WDPCP: variants seen among roughly 807,000 people sequenced by gnomAD.
The protein encoded by WDPCP is WD repeat-containing and planar cell polarity effector protein fritz homolog.
Under a neutral mutation model 93.1 loss-of-function variants are expected in WDPCP, and 71 were observed. That is an observed-to-expected ratio of 0.76 (90% CI 0.63 to 0.93). WDPCP has a LOEUF of 0.93. Ranked by LOEUF, WDPCP falls within the 40% of genes least tolerant of loss-of-function variation. WDPCP has a pLI of 0.00. For missense variants in WDPCP, 844 were observed against 887.4 expected (o/e 0.95, Z 0.62); for synonymous variants, 315 against 315.0 (o/e 1.00, Z 0.00).
chr2:63,480,902 A>G (rs1159416879), intron 6 of WDPCP, among the ~76,000 whole-genome samples: 40 of 152,186 alleles, frequency 2.6e-4, no homozygotes, highest in Admixed American at 2.6e-3. Context: ...TAATTAAACT[A>G]AAGAGCTTTT....
At chr2:63,408,105 C>T (rs1044670587) in intron 9 of WDPCP, among the ~76,000 whole-genome samples, 1 of 152,164 alleles carries the variant, frequency 6.6e-6, no homozygotes, top group Non-Finnish European at 1.5e-5. Context: ...ATCTAGAGTG[C>T]ACCTCCAGAC....
chr2:63,225,499 C>T (rs574162207), intron 14 of WDPCP, among the ~76,000 whole-genome samples: 183 of 151,778 alleles, frequency 1.2e-3, no homozygotes, highest in African/African-American at 4.1e-3. Flanking sequence ...AAAACACATG[C>T]CCTAAGACCC....
upstream of WDPCP, among the ~76,000 whole-genome samples, chr2:63,592,488 C>G (rs1279394871): frequency 6.6e-6 from 1 of 152,104 alleles, no homozygotes; most frequent in African/African-American, 2.4e-5. Flanking sequence ...GTGGCTGGAA[C>G]TACAGCATCT....
chr2:63,266,095 A>G (rs1011561859), intron 13 of WDPCP, among the ~76,000 whole-genome samples: 3 of 152,214 alleles, frequency 2.0e-5, no homozygotes, highest in African/African-American at 4.8e-5. Context: ...AAGATCAGAA[A>G]TAAGACAAGG....
intron 8 of WDPCP, 112 bp downstream of exon 8, chr2:63,437,309 G>T: frequency 1.1e-6 from 1 of 952,140 alleles, no homozygotes; most frequent in Non-Finnish European, 1.5e-6. Flanking sequence ...AATATTTCCA[G>T]TTTTTCTGAA....
chr2:63,132,038 G>A lies in WDPCP; in HGVS notation c.2191-9982C>T, dbSNP rs549625021. 2.0e-5 allele frequency among the ~76,000 whole-genome samples: 3 copies of A among 152,038 alleles called. No individual in the cohort carries two copies. In the East Asian group the frequency reaches 5.8e-4, roughly 29 times the overall value. ...TTTAGTAGAGATGGGGTTTCAACAT[G>A]TTGGCCAGGCTGGTCTTGAACTCCT... On this transcript the variant is annotated intron_variant, in intron 17 of 17. Transcript: ENST00000272321.
intron 1 of WDPCP, among the ~76,000 whole-genome samples, chr2:63,529,331 G>A (rs528732306): frequency 2.6e-5 from 4 of 152,278 alleles, no homozygotes; most frequent in South Asian, 2.1e-4. Context: ...TGCCCATTCA[G>A]TATGATATTG....
chr2:63,644,656 G>T (rs930427227), intron 3 of WDPCP, among the ~76,000 whole-genome samples: 2 of 152,122 alleles, frequency 1.3e-5, no homozygotes, highest in East Asian at 3.9e-4. Flanking sequence ...TCTTTACTGT[G>T]ACACTTTTTA....
chr2:63,696,895 A>C (rs1331289291), intron 2 of WDPCP, among the ~76,000 whole-genome samples: 1 of 152,222 alleles, frequency 6.6e-6, no homozygotes, highest in Non-Finnish European at 1.5e-5. Flanking sequence ...CAAAACAAAG[A>C]AGGTAAAACA....
chr2:63,297,815 T>G (rs1266059832), intron 13 of WDPCP, among the ~76,000 whole-genome samples: 1 of 152,200 alleles, frequency 6.6e-6, no homozygotes, highest in Non-Finnish European at 1.5e-5. Context: ...CAGTTTTAAC[T>G]AATGCACAGG....
intron 14 of WDPCP, among the ~76,000 whole-genome samples, chr2:63,183,018 A>G (rs1468951659): frequency 6.7e-6 from 1 of 150,032 alleles, no homozygotes; most frequent in Non-Finnish European, 1.5e-5. Context: ...TGTTTATTGG[A>G]TCTTCTGTCT....
At chr2:63,480,627 C>T (rs966345521) in intron 6 of WDPCP, among the ~76,000 whole-genome samples, 2 of 151,934 alleles carry the variant, frequency 1.3e-5, no homozygotes, top group Non-Finnish European at 2.9e-5. Flanking sequence ...CAAAAACATA[C>T]AGTGGGGAAA....
intron 1 of WDPCP, among the ~76,000 whole-genome samples, chr2:63,507,625 A>T (rs138591499): frequency 6.6e-6 from 1 of 152,176 alleles, no homozygotes; most frequent in Non-Finnish European, 1.5e-5. Context: ...GTGGGTACTA[A>T]CAAACTCCAC....
chr2:63,385,304 A>G (rs1191983598), intron 10 of WDPCP, among the ~76,000 whole-genome samples: 1 of 152,110 alleles, frequency 6.6e-6, no homozygotes, highest in South Asian at 2.1e-4. Flanking sequence ...AAGTGAAGAG[A>G]ATAAAATAAA....
chr2:63,331,339 A>G (rs892096092), intron 12 of WDPCP, among the ~76,000 whole-genome samples: 1 of 152,162 alleles, frequency 6.6e-6, no homozygotes, highest in Non-Finnish European at 1.5e-5. Flanking sequence ...TTTCAAAATG[A>G]TTTAATGTTT....
intron 10 of WDPCP, among the ~76,000 whole-genome samples, chr2:63,395,735 CT>C (rs909904652): frequency 6.6e-6 from 1 of 151,136 alleles, no homozygotes. Flanking sequence ...TTGAACTGTA[CT>C]TTTTTTTTGA....
chr2:63,162,093 G>C (rs953024037), intron 15 of WDPCP, among the ~76,000 whole-genome samples: 1 of 152,078 alleles, frequency 6.6e-6, no homozygotes, highest in African/African-American at 2.4e-5. Flanking sequence ...TTCTTAGATG[G>C]AACAAAGTCA....
intron 9 of WDPCP, among the ~76,000 whole-genome samples, chr2:63,431,737 C>A (rs1696777531): frequency 6.6e-6 from 1 of 151,902 alleles, no homozygotes; most frequent in South Asian, 2.1e-4. Flanking sequence ...ATACTTTTTG[C>A]ATAATGACTT....
intron 2 of WDPCP, among the ~76,000 whole-genome samples, chr2:63,772,884 C>T (rs2103950866): frequency 6.6e-6 from 1 of 152,104 alleles, no homozygotes; most frequent in East Asian, 1.9e-4. Context: ...ATACTGGGAT[C>T]AAGTCAAGGA....
Sources: gnomAD v4.1 joint callset for allele counts (sites outside exome capture counted in the v4.1 genomes callset) on GRCh38, gnomAD v4.1.1 for gene constraint, MANE v1.5 for transcripts, NCBI Gene and HGNC (gene_info 2026-07-23, HGNC 2026-07-21) for gene names.